The following RIPOR3 variants were observed in gnomAD, a reference collection of about 807,000 sequenced individuals.
The protein encoded by RIPOR3 is RIPOR family member 3.
RIPOR3 carries 95 observed loss-of-function variants against 114.3 expected under a neutral mutation model. The observed-to-expected ratio is 0.83, with a 90% CI of 0.70 to 0.99. RIPOR3 has a LOEUF of 0.99. RIPOR3 is among the 50% of genes least tolerant of loss of function. The probability of loss-of-function intolerance (pLI) is 0.00; values close to 1 mark genes in which losing one functional copy is unlikely to be tolerated. For missense variants in RIPOR3, 1,252 were observed against 1,266.9 expected (o/e 0.99, Z 0.18); for synonymous variants, 575 against 543.8 (o/e 1.06, Z -0.80).
intron 1 of RIPOR3, among the ~76,000 whole-genome samples, chr20:50,634,423 C>A (rs976321129): frequency 2.0e-5 from 3 of 152,126 alleles, no homozygotes; most frequent in Admixed American, 2.0e-4. Flanking sequence ...GACACCTCCC[C>A]ACTCCTAGCT....
chr20:50,597,426 G>A, intron 14 of RIPOR3, 154 bp downstream of exon 14: 1 of 1,123,936 alleles, frequency 8.9e-7, no homozygotes. Context: ...GGGATGTGCG[G>A]GGATGGCATG....
At chr20:50,590,146 G>A in intron 19 of RIPOR3, 1 of 234,716 alleles carries the variant, frequency 4.3e-6, no homozygotes, top group Admixed American at 4.7e-5. Context: ...GCTGAAAACG[G>A]GCAAGGCTGC....
chr20:50,660,234 G>A lies in RIPOR3; in HGVS notation c.4-29378C>T, dbSNP rs576660455. ...CTCTACTTGTCTTAGTCCATTTTGT[G>A]TTGCTATAAAAGAATACCTGCAACT... On this transcript the variant is annotated intron_variant, in intron 1 of 21. Coordinates refer to ENST00000327979, the MANE Select transcript of RIPOR3 (RefSeq NM_001290268.2). The A allele has an allele frequency of 8.5e-5, 13 of 152,260 alleles. No homozygotes were observed. In the South Asian group the frequency reaches 1.2e-3, roughly 15 times the overall value. The allele number at this position is 152,260 out of a possible 1,614,324, so 9.4% of individuals were successfully genotyped here. A position where few individuals can be genotyped will look rare whatever the true frequency, so the allele number is the denominator to read the frequency against.
At chr20:50,683,170 C>A (rs1471885611) in intron 1 of RIPOR3, among the ~76,000 whole-genome samples, 1 of 152,110 alleles carries the variant, frequency 6.6e-6, no homozygotes, top group Admixed American at 6.5e-5. Context: ...AAATTCTATC[C>A]ACAATTTTTA....
intron 1 of RIPOR3, among the ~76,000 whole-genome samples, chr20:50,635,341 C>A (rs1459925866): frequency 6.6e-6 from 1 of 152,132 alleles, no homozygotes; most frequent in Non-Finnish European, 1.5e-5. Flanking sequence ...TATTACTATC[C>A]CCATTTTGCA....
At chr20:50,604,820 C>T in intron 11 of RIPOR3, 46 bp from the exon 12 acceptor site, 1 of 1,593,764 alleles carries the variant, frequency 6.3e-7, no homozygotes, top group Non-Finnish European at 8.5e-7. Context: ...CACCCAGAGG[C>T]CATTTCAGGC....
chr20:50,666,182 C>CTT (rs2086188226), intron 1 of RIPOR3, among the ~76,000 whole-genome samples: 1 of 94,644 alleles, frequency 1.1e-5, no homozygotes, highest in African/African-American at 4.0e-5. Context: ...AAAGGACACC[C>CTT]ATTTCTTTTC....
intron 1 of RIPOR3, among the ~76,000 whole-genome samples, chr20:50,660,567 G>T (rs976585398): frequency 6.6e-6 from 1 of 152,008 alleles, no homozygotes; most frequent in African/African-American, 2.4e-5. Flanking sequence ...CACCTCCATA[G>T]CCCAACACCT....
chr20:50,589,219 TAAAAGA>T (rs1015003603), intron 20 of RIPOR3, among the ~76,000 whole-genome samples: 2 of 152,108 alleles, frequency 1.3e-5, no homozygotes, highest in East Asian at 3.8e-4. Context: ...CACAAACTTT[TAAAAGA>T]AGCATACCAG....
rs2083371639 is a variant in RIPOR3 at position 50,598,318 on chromosome 20, A to G, written c.1660-608T>C. On this transcript the variant is annotated intron_variant, in intron 13 of 21. Coordinates refer to ENST00000327979, the MANE Select transcript of RIPOR3 (RefSeq NM_001290268.2). ...CCAACCCGCCACTGGTCAAGTCACC[A>G]GAGCCTCCAGTGCCAGCTCCCTCCC... Among the ~76,000 whole-genome samples the G allele has an allele frequency of 2.0e-5, 3 of 152,048 alleles. No homozygotes were observed. The South Asian group carries it at 6.2e-4, about 31-fold the overall frequency.
At chr20:50,673,014 C>A (rs2086571724) in intron 1 of RIPOR3, among the ~76,000 whole-genome samples, 1 of 152,208 alleles carries the variant, frequency 6.6e-6, no homozygotes, top group Non-Finnish European at 1.5e-5. Context: ...CAACCAACCC[C>A]AGCATTGAAT....
At position 50,634,551 on chromosome 20, in the gene RIPOR3, A is replaced by G. The variant is rs377277181; in HGVS notation, c.4-3695T>C. Among the ~76,000 whole-genome samples the G allele has an allele frequency of 5.3e-5, 8 of 152,176 alleles. No homozygotes were observed. In the East Asian group the frequency reaches 1.5e-3, roughly 29 times the overall value. On this transcript the variant is annotated intron_variant, in intron 1 of 21. Coordinates refer to ENST00000327979, the MANE Select transcript of RIPOR3 (RefSeq NM_001290268.2). The stretch of plus-strand genomic sequence containing the variant: ...CTCCCTGCAGGCAGGGACCAGGTGC[A>G]TGGAAGATTCATAACACATCTTTAT...
chr20:50,677,373 T>A (rs2086707166), intron 1 of RIPOR3, among the ~76,000 whole-genome samples: 2 of 147,268 alleles, frequency 1.4e-5, no homozygotes, highest in Admixed American at 6.8e-5. Flanking sequence ...TTTACTTTTT[T>A]TTTTTTTTTT....
At chr20:50,628,306 C>T (rs554172205) in intron 2 of RIPOR3, among the ~76,000 whole-genome samples, 1 of 152,232 alleles carries the variant, frequency 6.6e-6, no homozygotes, top group Admixed American at 6.5e-5. Flanking sequence ...TCAACTTAAA[C>T]CCTTCCCAGG....
chr20:50,604,522 C>CA (rs2083625649), intron 12 of RIPOR3, 123 bp downstream of exon 12: 5 of 1,391,082 alleles, frequency 3.6e-6, no homozygotes, highest in African/African-American at 1.5e-5. Flanking sequence ...AGGATCGCCT[C>CA]AAACGGAAGC....
chr20:50,636,912 C>T, intron 1 of RIPOR3: 1 of 985,380 alleles, frequency 1.0e-6, no homozygotes, highest in African/African-American at 1.7e-5. Flanking sequence ...GGCTGGGTGG[C>T]TTTTATGCCT....
chr20:50,655,145 G>A (rs1171172220), intron 1 of RIPOR3, among the ~76,000 whole-genome samples: 1 of 152,252 alleles, frequency 6.6e-6, no homozygotes, highest in Non-Finnish European at 1.5e-5. Flanking sequence ...CTTTTCATTT[G>A]TATGTTTCCT....
At chr20:50,612,993 T>A (rs1198997513) in intron 4 of RIPOR3, among the ~76,000 whole-genome samples, 1 of 152,154 alleles carries the variant, frequency 6.6e-6, no homozygotes, top group Non-Finnish European at 1.5e-5. Context: ...CTTGAGAGGC[T>A]GAGGTAAGAG....
Position 50,592,364 on chromosome 20 carries a change from TC to T in RIPOR3, c.2556del (p.Asn853ThrfsTer29). 1 of 1,594,422 alleles carries T rather than the reference TC, an allele frequency of 6.3e-7. No homozygotes were observed. Among genetic ancestry groups the T allele is most frequent in the Non-Finnish European group, 8.6e-7 (1 of 1,167,294 alleles). ...CGTACCTTTTCCCGGAAGCTTCTGT[TC>T]CTGACTGCACCAGCCAGGCGAGCGC... Reference protein sequence around the residue: ...AASARLAGAVRNRSFREKALL... With the variant: ...AASARLAGAVXNRSFREKALL... On this transcript the variant is annotated frameshift_variant, in exon 19 of 22. Transcript: ENST00000327979. LOFTEE classifies it high-confidence loss of function.
Sources: allele counts gnomAD v4.1 joint callset (sites outside exome capture counted in the v4.1 genomes callset), GRCh38; gene constraint gnomAD v4.1.1; transcripts MANE v1.5; gene names NCBI Gene and HGNC (gene_info 2026-07-23, HGNC 2026-07-21).